The following TCF4 variants were observed in gnomAD, a reference collection of about 807,000 sequenced individuals.
TCF4 encodes transcription factor 4, also known as SL3-3 enhancer factor 2.
TCF4 carries 3 observed loss-of-function variants against 82.1 expected under a neutral mutation model. The observed-to-expected ratio is 0.04, with a 90% confidence interval of 0.02 to 0.09. The LOEUF (loss-of-function observed/expected upper bound fraction) is 0.09. Among genes scored for constraint, TCF4 ranks in the 10% least tolerant of loss-of-function variants. The probability of loss-of-function intolerance (pLI) is 1.00; values close to 1 mark genes in which losing one functional copy is unlikely to be tolerated. For synonymous variants in TCF4, 276 were observed against 309.6 expected, an observed-to-expected ratio of 0.89 and a Z score of 1.14; for missense variants, 518 against 852.7, an observed-to-expected ratio of 0.61 and a Z score of 4.89.
intron 6 of TCF4, among the ~76,000 whole-genome samples, chr18:55,384,437 C>G (rs2092389225): frequency 6.6e-6 from 1 of 152,192 alleles, no homozygotes; most frequent in East Asian, 1.9e-4. Context: ...CTCCCTACCC[C>G]CAGTGTCATC....
intron 3 of TCF4, among the ~76,000 whole-genome samples, chr18:55,485,229 A>G (rs1431209478): frequency 2.0e-5 from 3 of 152,224 alleles, no homozygotes; most frequent in East Asian, 1.9e-4. Context: ...ATTTTGGAAT[A>G]GGTAACGTAA....
At chr18:55,565,315 A>G (rs2097394969) in intron 3 of TCF4, among the ~76,000 whole-genome samples, 1 of 152,142 alleles carries the variant, frequency 6.6e-6, no homozygotes, top group Admixed American at 6.5e-5. Flanking sequence ...TAAAAAAAAA[A>G]AAAATTCTCC....
At chr18:55,510,684 T>G in intron 3 of TCF4, 1 of 1,467,646 alleles carries the variant, frequency 6.8e-7, no homozygotes, top group Non-Finnish European at 9.0e-7. Context: ...GTTTGTGAAC[T>G]GAGACCTCCA....
At chr18:55,499,144 T>C (rs117650876) in intron 3 of TCF4, among the ~76,000 whole-genome samples, 66 of 152,328 alleles carry the variant, frequency 4.3e-4, no homozygotes, top group Non-Finnish European at 8.2e-4. Flanking sequence ...AGAAACTTGT[T>C]TACTCAGAAT....
intron 5 of TCF4, among the ~76,000 whole-genome samples, chr18:55,406,930 A>G (rs915822226): frequency 6.6e-6 from 1 of 152,224 alleles, no homozygotes; most frequent in Non-Finnish European, 1.5e-5. Flanking sequence ...TGGCAGTGCC[A>G]AGCCCCATGG....
intron 2 of TCF4, among the ~76,000 whole-genome samples, chr18:55,621,591 A>G (rs867242145): frequency 6.3e-3 from 124 of 19,788 alleles, no homozygotes; most frequent in South Asian, 0.02. Flanking sequence ...TATATATTAT[A>G]TTATATATTA....
intron 3 of TCF4, among the ~76,000 whole-genome samples, chr18:55,556,776 A>T (rs1568390804): frequency 6.6e-6 from 1 of 152,246 alleles, no homozygotes; most frequent in Non-Finnish European, 1.5e-5. Flanking sequence ...AAAATTACCA[A>T]ATCATCATAC....
chr18:55,331,085 C>T (rs1468152958), intron 8 of TCF4, among the ~76,000 whole-genome samples: 1 of 152,150 alleles, frequency 6.6e-6, no homozygotes, highest in East Asian at 1.9e-4. Context: ...CTCCAGTTGA[C>T]CAAGCAAAAC....
intron 15 of TCF4, among the ~76,000 whole-genome samples, chr18:55,239,343 T>C (rs1471675938): frequency 6.6e-6 from 1 of 152,100 alleles, no homozygotes; most frequent in Non-Finnish European, 1.5e-5. Flanking sequence ...AGGCCAAGAA[T>C]GGTGAAGTGA....
chr18:55,448,228 T>G (rs183936986), intron 5 of TCF4, among the ~76,000 whole-genome samples: 52 of 152,290 alleles, frequency 3.4e-4, no homozygotes, highest in African/African-American at 1.3e-3. Flanking sequence ...TCATAAAGGT[T>G]TTTCACGTGT....
rs1315894380 is a variant in TCF4, at chr18:55,476,941, C to T, written c.146-12804G>A. ...TGTGTGTGCATGTGTGTGCATGTGC[C>T]TGTGTGTGTAAAATCAGCATACACA... On this transcript the variant is annotated intron_variant, in intron 3 of 19. Coordinates refer to ENST00000354452, the MANE Select transcript of TCF4 (RefSeq NM_001083962.2). Among the ~76,000 whole-genome samples, 4 of 152,100 alleles carry T rather than the reference C, an allele frequency of 2.6e-5. 1 individual carries two copies. The highest frequency in any genetic ancestry group is 2.6e-4 in the Admixed American group (4 of 15,268).
chr18:55,279,796 G>T, intron 8 of TCF4, 140 bp from the exon 9 acceptor site: 1 of 1,350,088 alleles, frequency 7.4e-7, no homozygotes, highest in Non-Finnish European at 1.0e-6. Flanking sequence ...TAGAAACAGT[G>T]CCCTTTCCGA....
Position 55,588,160 on chromosome 18 carries a change from CCG to C in TCF4, c.-145_-144del. The C allele has an allele frequency of 9.1e-7, 1 of 1,094,418 alleles. No individual in the cohort carries two copies. The allele number at this position is 1,094,418 out of a possible 1,614,324, so 67.8% of individuals were successfully genotyped here. ...CGCTCCCGCGCCTGCTGCCTCCCCG[CCG>C]CCGCCGCCGCCGCCGCCACTACAGA... On this transcript the variant is annotated 5_prime_UTR_variant, in exon 1 of 20. Coordinates refer to ENST00000354452, the MANE Select transcript of TCF4 (RefSeq NM_001083962.2).
intron 3 of TCF4, among the ~76,000 whole-genome samples, chr18:55,506,776 GCA>G (rs2096765153): frequency 6.6e-6 from 1 of 151,932 alleles, no homozygotes; most frequent in Middle Eastern, 3.2e-3. Flanking sequence ...CATAAATCAG[GCA>G]CAGTGAGAGA....
chr18:55,349,000 C>T (rs1252276788), intron 8 of TCF4, among the ~76,000 whole-genome samples: 1 of 152,030 alleles, frequency 6.6e-6, no homozygotes, highest in Non-Finnish European at 1.5e-5. Flanking sequence ...TTAAATCCAC[C>T]CCTAACTTCA....
intron 3 of TCF4, among the ~76,000 whole-genome samples, chr18:55,476,770 C>T (rs1462554589): frequency 6.6e-6 from 1 of 152,162 alleles, no homozygotes; most frequent in East Asian, 1.9e-4. Context: ...GCCCAGCCTA[C>T]AGCCCTTGTC....
At chr18:55,616,204 T>G (rs887472011) in intron 2 of TCF4, among the ~76,000 whole-genome samples, 1 of 152,130 alleles carries the variant, frequency 6.6e-6, no homozygotes, top group African/African-American at 2.4e-5. Context: ...TTTTACATAC[T>G]TTATATAAGT....
chr18:55,341,903 T>G (rs1555908921), intron 8 of TCF4, among the ~76,000 whole-genome samples: 1 of 152,190 alleles, frequency 6.6e-6, no homozygotes, highest in Non-Finnish European at 1.5e-5. Flanking sequence ...CTACAAATTG[T>G]GACGCAAGTG....
At chr18:55,565,216 G>A (rs1392391311) in intron 3 of TCF4, among the ~76,000 whole-genome samples, 1 of 151,794 alleles carries the variant, frequency 6.6e-6, no homozygotes, top group Admixed American at 6.6e-5. Context: ...AGACTGAAAA[G>A]GGTTAAAGAG....
Sources: allele counts gnomAD v4.1 joint callset (sites outside exome capture counted in the v4.1 genomes callset), GRCh38; gene constraint gnomAD v4.1.1; transcripts MANE v1.5; gene names NCBI Gene and HGNC (gene_info 2026-07-23, HGNC 2026-07-21).